The following NEGR1 variants were observed in gnomAD, a reference collection of about 807,000 sequenced individuals.
NEGR1 encodes the protein IgLON family member 4.
In NEGR1, 10 loss-of-function variants were observed where a neutral mutation model predicts 40.9. The ratio of observed to expected loss-of-function variants is 0.24; its 90% confidence interval spans 0.15 to 0.42. The LOEUF (loss-of-function observed/expected upper bound fraction) is 0.42, where lower values mean the gene tolerates loss of function less well. Among genes scored for constraint, NEGR1 ranks in the 10% least tolerant of loss-of-function variants. NEGR1 has a pLI of 1.00. For synonymous variants in NEGR1, 185 were observed against 166.8 expected, an observed-to-expected ratio of 1.11 and a Z score of -0.84; for missense variants, 352 against 438.9, an observed-to-expected ratio of 0.80 and a Z score of 1.77.
chr1:72,054,511 T>G (rs2821275), intron 1 of NEGR1, among the ~76,000 whole-genome samples: 17,888 of 151,262 alleles, frequency 0.12, 1,296 homozygotes, highest in East Asian at 0.28. Context: ...TTTTAAAATA[T>G]TGCACCAAAC....
intron 2 of NEGR1, among the ~76,000 whole-genome samples, chr1:71,830,875 A>G (rs1028070250): frequency 2.0e-5 from 3 of 151,902 alleles, no homozygotes; most frequent in Non-Finnish European, 4.4e-5. Context: ...ACATAACACC[A>G]TGTGTTATGG....
chr1:71,756,428 A>T (rs1252336126), intron 3 of NEGR1, among the ~76,000 whole-genome samples: 1 of 151,882 alleles, frequency 6.6e-6, no homozygotes, highest in Non-Finnish European at 1.5e-5. Context: ...AAAAAACCAA[A>T]AAAAACCACA....
chr1:72,070,889 G>C (rs2200483), intron 1 of NEGR1, among the ~76,000 whole-genome samples: 2,430 of 152,046 alleles, frequency 0.016, 66 homozygotes, highest in African/African-American at 0.057. Context: ...AAGGTATTAA[G>C]TTTATGCTAT....
chr1:71,616,312 A>G (rs1650444823), intron 4 of NEGR1, among the ~76,000 whole-genome samples: 1 of 152,158 alleles, frequency 6.6e-6, no homozygotes, highest in Non-Finnish European at 1.5e-5. Context: ...TCAGATCAAC[A>G]GCAGCATTAG....
chr1:72,279,050 A>C (rs1357184424), intron 1 of NEGR1, among the ~76,000 whole-genome samples: 2 of 152,118 alleles, frequency 1.3e-5, no homozygotes, highest in African/African-American at 4.8e-5. Context: ...AAAGTAAGAA[A>C]CATCTTTACA....
At chr1:71,416,712 T>A (rs1569847026) in intron 6 of NEGR1, among the ~76,000 whole-genome samples, 1 of 152,202 alleles carries the variant, frequency 6.6e-6, no homozygotes, top group Non-Finnish European at 1.5e-5. Flanking sequence ...TTTTCAGTCT[T>A]ATACCTGATA....
chr1:71,783,150 G>C (rs1286570472), intron 2 of NEGR1, among the ~76,000 whole-genome samples: 2 of 152,080 alleles, frequency 1.3e-5, no homozygotes, highest in Non-Finnish European at 2.9e-5. Context: ...TTTCCAAACT[G>C]CTTGAGTCAA....
chr1:71,753,372 C>T (rs981555758), intron 3 of NEGR1, among the ~76,000 whole-genome samples: 2 of 152,080 alleles, frequency 1.3e-5, no homozygotes, highest in African/African-American at 4.8e-5. Flanking sequence ...GAAGTATATT[C>T]AGCTCTTACA....
intron 1 of NEGR1, among the ~76,000 whole-genome samples, chr1:72,145,508 G>C (rs979414001): frequency 6.6e-6 from 1 of 152,110 alleles, no homozygotes. Context: ...CAAACTTAAA[G>C]TTGACAAGTG....
intron 1 of NEGR1, among the ~76,000 whole-genome samples, chr1:72,106,535 G>A (rs1173738013): frequency 2.8e-5 from 4 of 141,664 alleles, no homozygotes; most frequent in African/African-American, 9.8e-5. Context: ...TAAAAAGGCT[G>A]GGAGAAAAAA....
At chr1:71,669,578 C>A (rs1030079819) in intron 4 of NEGR1, among the ~76,000 whole-genome samples, 2 of 152,112 alleles carry the variant, frequency 1.3e-5, no homozygotes, top group Non-Finnish European at 2.9e-5. Context: ...ATTTCACCTA[C>A]AATGCTAGGG....
chr1:71,760,906 T>TAA (rs1655918756), intron 3 of NEGR1, among the ~76,000 whole-genome samples: 1 of 152,290 alleles, frequency 6.6e-6, no homozygotes, highest in East Asian at 1.9e-4. Context: ...AGAGCACTAA[T>TAA]AAGAAATAAC....
chr1:71,899,003 T>TATATATATAGC (rs1202095885), intron 2 of NEGR1, among the ~76,000 whole-genome samples: 83 of 111,510 alleles, frequency 7.4e-4, no homozygotes, highest in Non-Finnish European at 1.4e-3. Flanking sequence ...TATATATATA[T>TATATATATAGC]ATATATATAT....
At chr1:71,653,468 C>T (rs1051337561) in intron 4 of NEGR1, among the ~76,000 whole-genome samples, 18 of 152,164 alleles carry the variant, frequency 1.2e-4, no homozygotes, top group African/African-American at 4.3e-4. Flanking sequence ...TTTTCCACCT[C>T]ATTCTTTTTA....
chr1:72,135,911 A>C (rs1650445243), intron 1 of NEGR1, among the ~76,000 whole-genome samples: 1 of 152,234 alleles, frequency 6.6e-6, no homozygotes, highest in African/African-American at 2.4e-5. Context: ...TAATGTTCAC[A>C]ATAGATTTGC....
At chr1:71,755,320 GTTTCCTAAATGA>G (rs1201581178) in intron 3 of NEGR1, among the ~76,000 whole-genome samples, 2 of 152,064 alleles carry the variant, frequency 1.3e-5, no homozygotes, top group Non-Finnish European at 2.9e-5. Flanking sequence ...TACTACTCTT[GTTTCCTAAATGA>G]TATCCCTCTT....
chr1:71,499,073 T>C (rs897106931), intron 6 of NEGR1, among the ~76,000 whole-genome samples: 2 of 152,182 alleles, frequency 1.3e-5, no homozygotes, highest in Non-Finnish European at 2.9e-5. Context: ...CTTCATTTTC[T>C]CTCTTTTTAA....
At chr1:71,566,770 A>G (rs1648631752) in intron 6 of NEGR1, among the ~76,000 whole-genome samples, 2 of 152,128 alleles carry the variant, frequency 1.3e-5, no homozygotes. Context: ...GACACCATAG[A>G]CTGGGTGGCT....
intron 6 of NEGR1, among the ~76,000 whole-genome samples, chr1:71,447,202 G>A (rs1480727172): frequency 3.3e-5 from 5 of 152,144 alleles, no homozygotes; most frequent in Admixed American, 6.6e-5. Flanking sequence ...GTGAGCACTC[G>A]TCATGAGCCT....
Sources: gnomAD v4.1 joint callset for allele counts (sites outside exome capture counted in the v4.1 genomes callset) on GRCh38, gnomAD v4.1.1 for gene constraint, MANE v1.5 for transcripts, NCBI Gene and HGNC (gene_info 2026-07-23, HGNC 2026-07-21) for gene names.